DNAJC27: variants seen among roughly 807,000 people sequenced by gnomAD.
DNAJC27 encodes the protein dnaJ homolog subfamily C member 27.
In DNAJC27, 25 loss-of-function variants were observed where a neutral mutation model predicts 31.4. The ratio of observed to expected loss-of-function variants is 0.80; its 90% CI spans 0.58 to 1.11. The LOEUF (loss-of-function observed/expected upper bound fraction) is 1.11, where lower values mean the gene tolerates loss of function less well. DNAJC27 is among the 50% of genes most tolerant of loss of function. The pLI, the probability that DNAJC27 is intolerant of heterozygous loss-of-function variation, is 0.00. For synonymous variants in DNAJC27, 106 were observed against 112.7 expected (o/e 0.94, Z 0.37); for missense variants, 356 against 347.3 (o/e 1.02, Z -0.20).
chr2:24,956,153 T>C (rs778658195), intron 5 of DNAJC27, among the ~76,000 whole-genome samples: 1 of 152,200 alleles, frequency 6.6e-6, no homozygotes, highest in African/African-American at 2.4e-5. Context: ...GAGAAGGAAA[T>C]TCAGCATAAA....
At chr2:24,963,182 T>C in intron 3 of DNAJC27, 1 of 407,632 alleles carries the variant, frequency 2.5e-6, no homozygotes. Flanking sequence ...CTTATTGAAA[T>C]GTTTGAAATA....
intron 1 of DNAJC27, chr2:24,971,505 G>A: frequency 4.5e-6 from 1 of 222,934 alleles, no homozygotes; most frequent in Non-Finnish European, 8.8e-6. Context: ...CCTAGAACGC[G>A]GGCAAGGTAT....
chr2:24,951,391 T>C lies in DNAJC27; in HGVS notation c.689+3A>G. On this transcript the variant is annotated splice_donor_region_variant and intron_variant, in intron 6 of 6. Transcript: ENST00000264711. The stretch of plus-strand genomic sequence containing the variant: ...TCAGCACTAAGTATCCCAGAGCGCT[T>C]ACCTTGAGGCCCCAGGTTTGACTCC... 1 of 1,608,390 alleles carries C rather than the reference T, an allele frequency of 6.2e-7. No homozygotes were observed. The highest frequency in any genetic ancestry group is 8.5e-7 in the Non-Finnish European group (1 of 1,176,974).
chr2:24,970,458 T>A (rs1393319718), intron 1 of DNAJC27, among the ~76,000 whole-genome samples: 7 of 150,042 alleles, frequency 4.7e-5, no homozygotes. Flanking sequence ...ACAGTAAAAT[T>A]ACTTTTTTTT....
intron 6 of DNAJC27, among the ~76,000 whole-genome samples, chr2:24,948,905 C>A (rs754177851): frequency 7.9e-5 from 12 of 152,204 alleles, no homozygotes; most frequent in Non-Finnish European, 1.3e-4. Flanking sequence ...AATGCCCTAG[C>A]CTTTCTCCTT....
intron 5 of DNAJC27, among the ~76,000 whole-genome samples, chr2:24,952,648 G>A (rs776328161): frequency 3.4e-4 from 51 of 151,798 alleles, no homozygotes; most frequent in Non-Finnish European, 5.1e-4. Flanking sequence ...GAGTATATGC[G>A]CATTTTAATT....
chr2:24,953,552 A>G (rs1313269581), intron 5 of DNAJC27: 3 of 354,592 alleles, frequency 8.5e-6, no homozygotes, highest in Non-Finnish European at 1.2e-5. Context: ...GTACTTACTT[A>G]TAGAATACTG....
At chr2:24,962,034 G>A (rs1203260961) in intron 3 of DNAJC27, among the ~76,000 whole-genome samples, 2 of 152,126 alleles carry the variant, frequency 1.3e-5, no homozygotes, top group African/African-American at 4.8e-5. Flanking sequence ...GTCAATCAAT[G>A]TGCCAAACTT....
intron 5 of DNAJC27, among the ~76,000 whole-genome samples, chr2:24,955,444 T>C (rs1665882568): frequency 6.6e-6 from 1 of 152,108 alleles, no homozygotes. Context: ...ATACATGTAA[T>C]TGGAGGCCAA....
At chr2:24,948,953 T>C (rs1169184007) in intron 6 of DNAJC27, among the ~76,000 whole-genome samples, 2 of 152,314 alleles carry the variant, frequency 1.3e-5, no homozygotes, top group South Asian at 2.1e-4. Context: ...GCTCTCCAAG[T>C]CAGATGGCCT....
At chr2:24,957,532 C>T (rs1298824259) in intron 4 of DNAJC27, among the ~76,000 whole-genome samples, 2 of 151,898 alleles carry the variant, frequency 1.3e-5, no homozygotes, top group Admixed American at 6.6e-5. Flanking sequence ...CTACTCCAGT[C>T]GGGTCAGAGT....
chr2:24,965,546 G>A (rs74493154), intron 2 of DNAJC27, among the ~76,000 whole-genome samples: 17,931 of 152,134 alleles, frequency 0.12, 1,163 homozygotes, highest in South Asian at 0.19. Flanking sequence ...ATGAGCCACC[G>A]TGCCAAGCCA....
intron 5 of DNAJC27, among the ~76,000 whole-genome samples, chr2:24,954,244 A>G (rs571002747): frequency 6.6e-6 from 1 of 152,312 alleles, no homozygotes; most frequent in East Asian, 1.9e-4. Context: ...AACAGCTGCT[A>G]TGGGGTTGAG....
Position 24,957,166 on chromosome 2 carries a change from C to G in DNAJC27, c.406-1G>C. ...CACAGCGATGTTTGGTACAATCAAT[C>G]TGAAATAGAAGGGGCGGGGGACAGA... On this transcript the variant is annotated splice_acceptor_variant, in intron 4 of 6. Transcript: ENST00000264711. LOFTEE classifies it high-confidence loss of function. 5 of 1,593,210 alleles carry G rather than the reference C, an allele frequency of 3.1e-6. No individual in the cohort carries two copies. Among genetic ancestry groups the G allele is most frequent in the Non-Finnish European group, 4.3e-6 (5 of 1,173,040 alleles).
At chr2:24,950,438 G>C (rs888479083) in intron 6 of DNAJC27, among the ~76,000 whole-genome samples, 1 of 152,202 alleles carries the variant, frequency 6.6e-6, no homozygotes, top group African/African-American at 2.4e-5. Context: ...GAATTAGACC[G>C]TTGAAAGTTA....
intron 5 of DNAJC27, among the ~76,000 whole-genome samples, chr2:24,952,214 A>G (rs374756981): frequency 6.6e-6 from 1 of 151,920 alleles, no homozygotes; most frequent in Non-Finnish European, 1.5e-5. Context: ...GTGTCTCTCT[A>G]CTCCTCAAGT....
At chr2:24,956,615 A>G (rs1452589143) in intron 5 of DNAJC27, among the ~76,000 whole-genome samples, 1 of 152,236 alleles carries the variant, frequency 6.6e-6, no homozygotes, top group Non-Finnish European at 1.5e-5. Context: ...ATGTAATACC[A>G]TTAGCCAAAG....
chr2:24,968,519 A>AT (rs550670666), intron 1 of DNAJC27, among the ~76,000 whole-genome samples: 1 of 150,794 alleles, frequency 6.6e-6, no homozygotes, highest in African/African-American at 2.4e-5. Context: ...TATTATTATT[A>AT]TTTTTTTTGT....
At position 24,945,584 on chromosome 2, in the gene DNAJC27, A is replaced by G. The variant is rs1000441176; in HGVS notation, c.*2032T>C. On this transcript the variant is annotated 3_prime_UTR_variant, in exon 7 of 7. Transcript: ENST00000264711. ...TCTACATTCTGCTGTGAGGACAGAC[A>G]TGTCTGAGTGCTTTCAGCATGATAA... The G allele has an allele frequency of 1.1e-4, 16 of 152,206 alleles. No homozygotes were observed. Among genetic ancestry groups the G allele is most frequent in the African/African-American group, 3.1e-4 (13 of 41,446 alleles). 9.4% of individuals were successfully genotyped at this position (152,206 alleles called of 1,614,324 possible). A position where few individuals can be genotyped will look rare whatever the true frequency, so the allele number is the denominator to read the frequency against.
Sources: gnomAD v4.1 joint callset for allele counts (sites outside exome capture counted in the v4.1 genomes callset) on GRCh38, gnomAD v4.1.1 for gene constraint, MANE v1.5 for transcripts, NCBI Gene and HGNC (gene_info 2026-07-23, HGNC 2026-07-21) for gene names.